The following ILDR1 variants were observed in gnomAD, a reference collection of about 807,000 sequenced individuals.
The protein encoded by ILDR1 is immunoglobulin like domain containing receptor 1, also known as immunoglobulin-like domain-containing receptor 1.
A neutral mutation model predicts 62.4 loss-of-function variants in ILDR1; 56 were observed. The observed-to-expected ratio is 0.90, with a 90% CI of 0.72 to 1.12. ILDR1 has a LOEUF of 1.12. Among genes scored for constraint, ILDR1 ranks in the 50% most tolerant of loss-of-function variants. ILDR1 has a pLI of 0.00. For missense variants in ILDR1, 736 were observed against 710.6 expected (o/e 1.04, Z -0.41); for synonymous variants, 284 against 277.8 (o/e 1.02, Z -0.22).
At chr3:122,023,263 T>C (rs935897207), upstream of ILDR1, among the ~76,000 whole-genome samples, 7 of 152,064 alleles carry the variant, frequency 4.6e-5, no homozygotes, top group African/African-American at 1.7e-4. Flanking sequence ...CCCACCAAGG[T>C]TTTGACCTTG....
chr3:122,033,755 T>A, the ILDR1 span, among the ~76,000 whole-genome samples: 1 of 152,206 alleles, frequency 6.6e-6, no homozygotes, highest in African/African-American at 2.4e-5. Context: ...ATTTATTCCC[T>A]GCTGCCCAGC....
chr3:122,028,071 T>A, the ILDR1 span, among the ~76,000 whole-genome samples: 4 of 151,912 alleles, frequency 2.6e-5, no homozygotes, highest in South Asian at 8.4e-4. Context: ...CTCACGCCTG[T>A]AATCCCATCA....
the ILDR1 span, among the ~76,000 whole-genome samples, chr3:122,039,811 A>G: frequency 1.3e-5 from 2 of 152,078 alleles, no homozygotes; most frequent in African/African-American, 4.8e-5. Flanking sequence ...AATTATAACA[A>G]TGTATTATGT....
chr3:122,036,617 C>CATAAATA, the ILDR1 span, among the ~76,000 whole-genome samples: 2 of 151,318 alleles, frequency 1.3e-5, no homozygotes, highest in South Asian at 4.2e-4. Flanking sequence ...GGAAACAGAG[C>CATAAATA]ATAAATATTT....
At chr3:122,049,229 A>T in the ILDR1 span, among the ~76,000 whole-genome samples, 1 of 151,830 alleles carries the variant, frequency 6.6e-6, no homozygotes, top group Non-Finnish European at 1.5e-5. Flanking sequence ...TTCCATTGTG[A>T]TTGGAAAAGG....
At chr3:122,034,423 G>A in the ILDR1 span, among the ~76,000 whole-genome samples, 5 of 152,094 alleles carry the variant, frequency 3.3e-5, no homozygotes, top group South Asian at 4.1e-4. Context: ...GAGAACTGAG[G>A]TCACAGGGCA....
At chr3:122,004,412 A>G (rs1197164586) in intron 3 of ILDR1, among the ~76,000 whole-genome samples, 1 of 152,208 alleles carries the variant, frequency 6.6e-6, no homozygotes, top group Non-Finnish European at 1.5e-5. Flanking sequence ...CTTAGTCCCC[A>G]CAAATCTCCA....
the ILDR1 span, among the ~76,000 whole-genome samples, chr3:122,060,645 A>T: frequency 1.1e-4 from 17 of 150,932 alleles, no homozygotes; most frequent in South Asian, 6.3e-4. Flanking sequence ...AATTTAAATT[A>T]AAAAAAAAGG....
At chr3:122,043,416 T>C in the ILDR1 span, among the ~76,000 whole-genome samples, 1 of 124,666 alleles carries the variant, frequency 8.0e-6, no homozygotes, top group African/African-American at 3.1e-5. Context: ...TTTGGTTCCA[T>C]ATGAACTTTA....
intron 5 of ILDR1, among the ~76,000 whole-genome samples, chr3:121,996,664 A>G (rs1332047600): frequency 6.6e-6 from 1 of 152,206 alleles, no homozygotes; most frequent in African/African-American, 2.4e-5. Flanking sequence ...AGTCACCCTT[A>G]ATGAGCTTGT....
intron 2 of ILDR1, among the ~76,000 whole-genome samples, chr3:122,006,518 G>A (rs2071612836): frequency 6.6e-6 from 1 of 152,158 alleles, no homozygotes; most frequent in Admixed American, 6.5e-5. Flanking sequence ...TTAGTCAGCA[G>A]AGGAATGACC....
the ILDR1 span, among the ~76,000 whole-genome samples, chr3:122,030,449 T>G: frequency 2.0e-5 from 3 of 151,690 alleles, no homozygotes; most frequent in South Asian, 6.3e-4. Context: ...GTCCCCACAT[T>G]CCCCCATCTC....
At chr3:122,005,425 G>A in intron 2 of ILDR1, 32 bp from the exon 3 acceptor site, 1 of 1,612,782 alleles carries the variant, frequency 6.2e-7, no homozygotes, top group Non-Finnish European at 8.5e-7. Flanking sequence ...GAGTCACACA[G>A]CAATAGGGGG....
At position 122,022,132 on chromosome 3, in the gene ILDR1, C is replaced by A. The variant is rs1394336553; in HGVS notation, c.-55G>T. 6.8e-7 allele frequency: 1 copy of A among 1,469,192 alleles called. No individual in the cohort carries two copies. Among genetic ancestry groups the A allele is most frequent in the African/African-American group, 1.4e-5 (1 of 71,726 alleles). 91.0% of individuals were successfully genotyped at this position (1,469,192 alleles called of 1,614,324 possible). A position where few individuals can be genotyped will look rare whatever the true frequency, so the allele number is the denominator to read the frequency against. ...AGGGGCTTCGGGGCACTGCGTCTTT[C>A]TTCCTCAGCTGCCGCCCCAGGACGC... On this transcript the variant is annotated 5_prime_UTR_variant, in exon 1 of 8. Coordinates refer to ENST00000344209, the MANE Select transcript of ILDR1 (RefSeq NM_001199799.2).
chr3:121,991,613 A>G (rs2071348586), intron 7 of ILDR1, among the ~76,000 whole-genome samples: 2 of 152,232 alleles, frequency 1.3e-5, no homozygotes, highest in South Asian at 4.1e-4. Context: ...CCGCTTAGCA[A>G]GGGGTAGCTA....
the ILDR1 span, among the ~76,000 whole-genome samples, chr3:122,036,910 T>G: frequency 5.3e-5 from 8 of 152,224 alleles, no homozygotes; most frequent in Non-Finnish European, 1.2e-4. Context: ...CTGCTCCAGC[T>G]CCAGCCATGG....
chr3:122,044,817 T>C, the ILDR1 span, among the ~76,000 whole-genome samples: 1 of 152,226 alleles, frequency 6.6e-6, no homozygotes, highest in African/African-American at 2.4e-5. Flanking sequence ...TTTTCTTCTT[T>C]ATCAGTCTTG....
rs1410717520 is a variant in ILDR1, at chr3:121,993,854, C to T, written c.895G>A (p.Ala299Thr). 2.5e-6 allele frequency: 4 copies of T among 1,614,050 alleles called. No homozygotes were observed. The highest frequency in any genetic ancestry group is 3.4e-6 in the Non-Finnish European group (4 of 1,180,020). The change falls in exon 7 of 8, where the codon GCC (alanine) becomes ACC (threonine). Residue 299 changes from alanine (A) to threonine (T), a missense_variant. Ala to Thr is a moderately conservative substitution (Grantham distance 58). Coordinates refer to ENST00000344209, the MANE Select transcript of ILDR1 (RefSeq NM_001199799.2). ...TTGAGGTCAGGGGGCAGAGGCTGGG[C>T]CAGGTTGAGGTTCCGCAGTTCTTTC... ...LEKELRNLNL[A>T]QPLPPDLKGR...
At chr3:122,058,750 A>G in the ILDR1 span, among the ~76,000 whole-genome samples, 1 of 152,086 alleles carries the variant, frequency 6.6e-6, no homozygotes, top group Non-Finnish European at 1.5e-5. Context: ...ACATGATAAA[A>G]TTTACTTTAA....
Sources: gnomAD v4.1 joint callset for allele counts (sites outside exome capture counted in the v4.1 genomes callset) on GRCh38, gnomAD v4.1.1 for gene constraint, MANE v1.5 for transcripts, NCBI Gene and HGNC (gene_info 2026-07-23, HGNC 2026-07-21) for gene names.